ZNF215: variants seen among roughly 807,000 people sequenced by gnomAD.
ZNF215 encodes BWSCR2-associated zinc finger protein 2.
Under a neutral mutation model 27.2 loss-of-function variants are expected in ZNF215, and 24 were observed. That is an observed-to-expected ratio of 0.88 (90% CI 0.64 to 1.24). The LOEUF (loss-of-function observed/expected upper bound fraction) is 1.24. Among genes scored for constraint, ZNF215 ranks in the 50% most tolerant of loss-of-function variants. ZNF215 has a pLI of 0.00. For synonymous variants in ZNF215, 210 were observed against 204.0 expected (o/e 1.03, Z -0.25); for missense variants, 675 against 605.7 (o/e 1.11, Z -1.20).
intron 3 of ZNF215, among the ~76,000 whole-genome samples, chr11:6,937,993 ATAAAT>A (rs1849497467): frequency 6.6e-6 from 1 of 151,814 alleles, no homozygotes; most frequent in Non-Finnish European, 1.5e-5. Context: ...GAAAAAATAG[ATAAAT>A]TAGACCATCA....
chr11:6,958,564 G>C (rs944914885), downstream of ZNF215, among the ~76,000 whole-genome samples: 1 of 152,060 alleles, frequency 6.6e-6, no homozygotes, highest in Admixed American at 6.5e-5. Flanking sequence ...TGTTTATTTA[G>C]TACATTGTAT....
chr11:6,941,726 CT>C, intron 4 of ZNF215, 73 bp downstream of exon 4: 1 of 1,509,756 alleles, frequency 6.6e-7, no homozygotes, highest in Non-Finnish European at 9.1e-7. Flanking sequence ...ATTTTTTGAT[CT>C]TTGAACTTGT....
At chr11:6,943,255 T>C (rs893497864) in intron 5 of ZNF215, 40 bp downstream of exon 5, 1 of 1,581,592 alleles carries the variant, frequency 6.3e-7, no homozygotes, top group South Asian at 1.2e-5. Flanking sequence ...CATTTAGTAA[T>C]CTCTTCCTAC....
chr11:6,948,016 A>C (rs1033573885), intron 6 of ZNF215, among the ~76,000 whole-genome samples: 10 of 152,234 alleles, frequency 6.6e-5, no homozygotes, highest in Non-Finnish European at 1.3e-4. Context: ...ATGTCACCTT[A>C]AAGACTAGGT....
chr11:6,943,488 T>G (rs539085507), intron 5 of ZNF215, 58 bp from the exon 6 acceptor site: 1 of 1,458,594 alleles, frequency 6.9e-7, no homozygotes, highest in African/African-American at 1.4e-5. Flanking sequence ...TCTATAAAAA[T>G]GTCTGAAGTG....
chr11:6,989,443 C>G (rs1851095360), downstream of ZNF215, among the ~76,000 whole-genome samples: 1 of 152,154 alleles, frequency 6.6e-6, no homozygotes, highest in Admixed American at 6.5e-5. Flanking sequence ...CCCTAGTGGA[C>G]ACTGAACACC....
rs185429385 is a variant in ZNF215, at chr11:6,973,310, G to C, written c.806-10819G>C. The stretch of plus-strand genomic sequence containing the variant: ...CCAGTCTATCATTGATGGGCATTTG[G>C]ATTGGTTCCAAGTCTTTGCTATTGT... On this transcript the variant is annotated intron_variant, in intron 5 of 5. Coordinates refer to the ZNF215 transcript ENST00000529903. Among the ~76,000 whole-genome samples the C allele has an allele frequency of 4.9e-4, 75 of 152,248 alleles. 1 individual carries two copies. Among genetic ancestry groups the C allele is most frequent in the Non-Finnish European group, 7.6e-4 (52 of 68,034 alleles).
intron 6 of ZNF215, among the ~76,000 whole-genome samples, chr11:6,954,681 G>A (rs536400488): frequency 0.01 from 1,544 of 152,296 alleles, 31 homozygotes; most frequent in African/African-American, 0.036. Flanking sequence ...GACCCCTTGC[G>A]CTTCCCGAGT....
intron 6 of ZNF215, among the ~76,000 whole-genome samples, chr11:6,954,197 C>A (rs1226130705): frequency 1.4e-5 from 1 of 73,528 alleles, no homozygotes; most frequent in African/African-American, 4.1e-5. Context: ...CAGGGACCCA[C>A]TTGAGGAGGC....
downstream of ZNF215, among the ~76,000 whole-genome samples, chr11:6,962,473 A>T (rs949488921): frequency 1.6e-4 from 24 of 152,138 alleles, no homozygotes; most frequent in African/African-American, 5.3e-4. Flanking sequence ...CTTAGAGTGA[A>T]CCCCAGCCCT....
At chr11:6,939,015 G>A (rs1371137439) in intron 3 of ZNF215, among the ~76,000 whole-genome samples, 1 of 152,122 alleles carries the variant, frequency 6.6e-6, no homozygotes, top group East Asian at 1.9e-4. Context: ...ATGGGACTCT[G>A]ATAAAAGTTG....
Position 6,956,170 on chromosome 11 carries a change from A to T in ZNF215, c.1193A>T (p.Gln398Leu), listed in dbSNP as rs1177961536. Residue 398 changes from glutamine to leucine, a missense_variant, in exon 7 of 7, where the codon CAG becomes CTG. Physicochemically the swap from Gln to Leu is moderately radical, Grantham distance 113 (BLOSUM62 -2). Coordinates refer to ENST00000278319, the MANE Select transcript of ZNF215 (RefSeq NM_013250.4). ...FCRSSSLIRH[Q>L]IIHTGEKPYK... is the part of the protein sequence containing the mutation. ...CGAAGTTCATCCCTTATTCGACATC[A>T]GATCATTCACACAGGAGAGAAACCC... 1 of 1,613,762 alleles carries T rather than the reference A, an allele frequency of 6.2e-7. No individual in the cohort carries two copies. The highest frequency in any genetic ancestry group is 2.2e-5 in the East Asian group (1 of 44,874).
In ZNF215 at chr11:6,943,631, G is replaced by T. The variant is rs755021397; in HGVS notation, c.702G>T (p.Lys234Asn). ...TAATGGAGAAAGAAATACCAAGGAA[G>T]ACTATTTTTGGTAAGAACCAGGTAG... ...RWIMEKEIPR[K>N]TIFDMKSISG... Residue 234 changes from lysine (K) to asparagine (N), a missense_variant, in exon 6 of 7, where the codon AAG (lysine) becomes AAT (asparagine). Coordinates refer to ENST00000278319, the MANE Select transcript of ZNF215 (RefSeq NM_013250.4). The T allele has an allele frequency of 9.9e-6, 16 of 1,612,212 alleles. No homozygotes were observed. Among genetic ancestry groups the T allele is most frequent in the African/African-American group, 4.0e-5 (3 of 74,884 alleles).
At chr11:6,944,411 A>T (rs1196122892) in intron 6 of ZNF215, among the ~76,000 whole-genome samples, 58 of 137,850 alleles carry the variant, frequency 4.2e-4, no homozygotes, top group Non-Finnish European at 7.4e-4. Context: ...TTTTTTTTTT[A>T]AACTGTATCA....
chr11:6,992,457 A>G (rs1851126075), downstream of ZNF215, among the ~76,000 whole-genome samples: 1 of 152,244 alleles, frequency 6.6e-6, no homozygotes, highest in Non-Finnish European at 1.5e-5. Context: ...TGCTATGAAT[A>G]ATATGACAGG....
rs369118934 is a variant in ZNF215 at position 6,976,205 on chromosome 11, A to T, written c.806-7924A>T. On this transcript the variant is annotated intron_variant, in intron 5 of 5. Transcript: ENST00000529903. Reference sequence around the variant, plus strand: ...TGACTGGATTATTAGATTTTTTCCTATAGAGTTGTTTGAGCTCCTTAAAAG... The same window carrying T: ...TGACTGGATTATTAGATTTTTTCCTTTAGAGTTGTTTGAGCTCCTTAAAAG... Among the ~76,000 whole-genome samples, 23 of 152,136 alleles carry T rather than the reference A, an allele frequency of 1.5e-4. No homozygotes were observed. The East Asian group carries it at 4.1e-3, about 27-fold the overall frequency.
At chr11:6,929,205 C>G (rs1169448741) in intron 2 of ZNF215, among the ~76,000 whole-genome samples, 3 of 152,198 alleles carry the variant, frequency 2.0e-5, no homozygotes, top group African/African-American at 7.2e-5. Context: ...GGGAAATCCT[C>G]TGGGGAGCTT....
downstream of ZNF215, among the ~76,000 whole-genome samples, chr11:6,990,690 T>C (rs1192148289): frequency 6.6e-6 from 1 of 152,272 alleles, no homozygotes; most frequent in African/African-American, 2.4e-5. Context: ...GTTGTCTTTA[T>C]ATATATTAGG....
intron 5 of ZNF215, among the ~76,000 whole-genome samples, chr11:6,983,618 TA>T (rs1310264919): frequency 6.6e-6 from 1 of 152,260 alleles, no homozygotes; most frequent in East Asian, 1.9e-4. Context: ...AAATAATTTT[TA>T]AAAACTAGAA....
Sources: allele counts gnomAD v4.1 joint callset (sites outside exome capture counted in the v4.1 genomes callset), GRCh38; gene constraint gnomAD v4.1.1; transcripts MANE v1.5; gene names NCBI Gene and HGNC (gene_info 2026-07-23, HGNC 2026-07-21).